Variants in PCDH7 observed in about 807,000 individuals in gnomAD.
PCDH7 encodes the protein protocadherin 7, also known as protocadherin-7.
In PCDH7, 17 loss-of-function variants were observed where a neutral mutation model predicts 58.9. That is an observed-to-expected ratio of 0.29 (90% CI 0.20 to 0.43). The LOEUF is 0.43. PCDH7 is among the 20% of genes least tolerant of loss of function. PCDH7 has a pLI of 1.00. For synonymous variants in PCDH7, 664 were observed against 616.4 expected (o/e 1.08, Z -1.14); for missense variants, 1,274 against 1,441.0 (o/e 0.88, Z 1.88).
At chr4:31,129,491 G>A (rs576314362) in intron 3 of PCDH7, among the ~76,000 whole-genome samples, 12 of 152,204 alleles carry the variant, frequency 7.9e-5, no homozygotes, top group South Asian at 4.1e-4. Flanking sequence ...TGTGAGATCC[G>A]AAAGGCTCTT....
chr4:30,784,101 T>C (rs1723119274), intron 1 of PCDH7, among the ~76,000 whole-genome samples: 2 of 152,168 alleles, frequency 1.3e-5, no homozygotes, highest in South Asian at 4.1e-4. Flanking sequence ...CTAGAGCATA[T>C]CTCCTCAGTG....
intron 3 of PCDH7, among the ~76,000 whole-genome samples, chr4:31,116,291 T>TG (rs1716974814): frequency 6.6e-6 from 1 of 152,180 alleles, no homozygotes; most frequent in Admixed American, 6.5e-5. Flanking sequence ...TTACCAAAAG[T>TG]GGATTTGGTT....
At chr4:31,108,978 G>T (rs573102779) in intron 3 of PCDH7, among the ~76,000 whole-genome samples, 1 of 152,172 alleles carries the variant, frequency 6.6e-6, no homozygotes, top group South Asian at 2.1e-4. Context: ...GGTTGTGTTG[G>T]GTTGCTTTGC....
intron 3 of PCDH7, among the ~76,000 whole-genome samples, chr4:31,045,202 A>C (rs2109211066): frequency 6.6e-6 from 1 of 152,026 alleles, no homozygotes; most frequent in South Asian, 2.1e-4. Flanking sequence ...TGCTTTCTTA[A>C]CTTCTGGTAC....
chr4:30,930,870 C>G (rs7683848), intron 2 of PCDH7, among the ~76,000 whole-genome samples: 105,391 of 151,786 alleles, frequency 0.69, 36,594 homozygotes, highest in East Asian at 0.78. Flanking sequence ...GCCCAGAAGT[C>G]CCAGGCTGCA....
intron 3 of PCDH7, among the ~76,000 whole-genome samples, chr4:31,086,988 C>G (rs1328549277): frequency 6.6e-6 from 1 of 152,166 alleles, no homozygotes; most frequent in African/African-American, 2.4e-5. Flanking sequence ...TTTCCCCAAA[C>G]AGCAGGGACA....
intron 1 of PCDH7, among the ~76,000 whole-genome samples, chr4:30,728,052 A>G (rs1366165155): frequency 1.3e-5 from 2 of 151,724 alleles, no homozygotes; most frequent in African/African-American, 4.8e-5. Flanking sequence ...AATACAAAAA[A>G]TTTACATTAA....
At chr4:30,985,949 C>G (rs979589657) in intron 3 of PCDH7, among the ~76,000 whole-genome samples, 1 of 151,956 alleles carries the variant, frequency 6.6e-6, no homozygotes, top group Admixed American at 6.6e-5. Context: ...AATAGATGCA[C>G]TACCATCCTC....
At chr4:30,845,083 C>T (rs188098697) in intron 1 of PCDH7, among the ~76,000 whole-genome samples, 14 of 152,222 alleles carry the variant, frequency 9.2e-5, no homozygotes, top group African/African-American at 2.6e-4. Context: ...TTCTAAAGAG[C>T]TTAAATACTT....
intron 3 of PCDH7, among the ~76,000 whole-genome samples, chr4:31,108,532 T>C (rs1191327167): frequency 6.6e-6 from 1 of 152,172 alleles, no homozygotes; most frequent in African/African-American, 2.4e-5. Context: ...GGTTTTCTAC[T>C]ATCAGCAAAA....
intron 3 of PCDH7, among the ~76,000 whole-genome samples, chr4:31,073,806 G>A (rs1422985456): frequency 6.6e-6 from 1 of 152,044 alleles, no homozygotes; most frequent in African/African-American, 2.4e-5. Context: ...TTCAAGATAT[G>A]CAGTAAATCC....
rs1713899291 is a variant in PCDH7 at position 30,722,808 on chromosome 4, G to C, written c.1386G>C (p.Val462=). 4 of 1,613,676 alleles carry C rather than the reference G, an allele frequency of 2.5e-6. No homozygotes were observed. The highest frequency in any genetic ancestry group is 1.7e-5 in the Admixed American group (1 of 60,036). ...AGAACGGGGTGGTCACCTGCACCGT[G>C]GTGGGCGACGTGCCCTTCCAGCTCA... Residue 462 remains valine, a synonymous_variant, in exon 1 of 2, where the codon GTG becomes GTC. Transcript: ENST00000361762. This position sits in a 1 kb window ranked among gnomAD's most constrained non-coding sequence, Gnocchi z 7.6.
At chr4:31,130,447 A>G (rs1326151978) in intron 3 of PCDH7, among the ~76,000 whole-genome samples, 2 of 152,210 alleles carry the variant, frequency 1.3e-5, no homozygotes, top group African/African-American at 4.8e-5. Context: ...CATATCTTTT[A>G]ATGGATGAAA....
At chr4:30,812,379 T>C (rs1184667878) in intron 1 of PCDH7, among the ~76,000 whole-genome samples, 1 of 152,216 alleles carries the variant, frequency 6.6e-6, no homozygotes, top group Non-Finnish European at 1.5e-5. Flanking sequence ...CAAATTTACA[T>C]GAAAAATAAT....
chr4:30,893,154 T>A (rs1043070466), intron 1 of PCDH7, among the ~76,000 whole-genome samples: 2 of 152,120 alleles, frequency 1.3e-5, no homozygotes, highest in African/African-American at 4.8e-5. Context: ...TGTCACATAC[T>A]ATATTATCTC....
chr4:30,998,738 T>A (rs1752111515), intron 3 of PCDH7, among the ~76,000 whole-genome samples: 1 of 152,000 alleles, frequency 6.6e-6, no homozygotes, highest in Non-Finnish European at 1.5e-5. Context: ...TTGATAGGAT[T>A]TGGGGATAAG....
exon 2 of PCDH7, chr4:30,732,491 C>T (rs1715655668): frequency 6.6e-6 from 1 of 152,266 alleles, no homozygotes; most frequent in East Asian, 1.9e-4. Flanking sequence ...TGTAAGTTAG[C>T]ATTTTCTAAA....
chr4:30,917,491 T>A (rs911541772), intron 1 of PCDH7, among the ~76,000 whole-genome samples: 16 of 152,240 alleles, frequency 1.1e-4, no homozygotes, highest in African/African-American at 3.4e-4. Flanking sequence ...CATTGTATGA[T>A]ACATTTTATT....
chr4:30,902,950 C>T (rs2109396316), intron 1 of PCDH7, among the ~76,000 whole-genome samples: 1 of 152,132 alleles, frequency 6.6e-6, no homozygotes, highest in East Asian at 1.9e-4. Context: ...ATAAGTTGCT[C>T]TTGTGGCATT....
Sources: gnomAD v4.1 joint callset for allele counts (sites outside exome capture counted in the v4.1 genomes callset) on GRCh38, gnomAD v4.1.1 for gene constraint, Gnocchi (gnomAD v3.1) non-coding constraint, MANE v1.5 for transcripts, NCBI Gene and HGNC (gene_info 2026-07-23, HGNC 2026-07-21) for gene names.